The following ABCC4 variants were observed in gnomAD, a reference collection of about 807,000 sequenced individuals.
ABCC4 encodes the protein ATP-binding cassette sub-family C member 4.
Under a neutral mutation model 168.5 loss-of-function variants are expected in ABCC4, and 102 were observed. The observed-to-expected ratio is 0.61, with a 90% confidence interval of 0.52 to 0.71. ABCC4 has a LOEUF of 0.71. Ranked by LOEUF, ABCC4 falls within the 30% of genes least tolerant of loss-of-function variation. The pLI, the probability that ABCC4 is intolerant of heterozygous loss-of-function variation, is 0.00. For synonymous variants in ABCC4, 617 were observed against 590.7 expected, an observed-to-expected ratio of 1.04 and a Z score of -0.65; for missense variants, 1,402 against 1,605.8, an observed-to-expected ratio of 0.87 and a Z score of 2.17.
chr13:95,168,133 A>G (rs1326852577), intron 14 of ABCC4, among the ~76,000 whole-genome samples: 1 of 152,030 alleles, frequency 6.6e-6, no homozygotes, highest in Non-Finnish European at 1.5e-5. Flanking sequence ...TGACCTCCCA[A>G]ATTGCTGGGA....
At chr13:95,277,104 G>C (rs75574575) in intron 1 of ABCC4, among the ~76,000 whole-genome samples, 1 of 152,054 alleles carries the variant, frequency 6.6e-6, no homozygotes, top group South Asian at 2.1e-4. Flanking sequence ...TCAACAACAG[G>C]ACTATAGGGA....
intron 20 of ABCC4, among the ~76,000 whole-genome samples, chr13:95,088,876 C>T (rs1378366169): frequency 6.6e-6 from 1 of 150,870 alleles, no homozygotes; most frequent in Non-Finnish European, 1.5e-5. Flanking sequence ...AAATAGAAAA[C>T]TAATTTGAAG....
At chr13:95,265,660 G>A (rs1405553612) in intron 1 of ABCC4, among the ~76,000 whole-genome samples, 1 of 152,052 alleles carries the variant, frequency 6.6e-6, no homozygotes, top group Non-Finnish European at 1.5e-5. Flanking sequence ...CACGCTAAGA[G>A]GAGAGCATGC....
At chr13:95,066,317 G>A (rs1272401700) in intron 25 of ABCC4, among the ~76,000 whole-genome samples, 6 of 152,086 alleles carry the variant, frequency 3.9e-5, no homozygotes, top group Admixed American at 6.5e-5. Flanking sequence ...AATGGCTGTC[G>A]TAACATCTTT....
chr13:95,271,602 T>G (rs909498005), intron 1 of ABCC4, among the ~76,000 whole-genome samples: 20 of 152,232 alleles, frequency 1.3e-4, no homozygotes, highest in African/African-American at 3.6e-4. Flanking sequence ...GTCACAATGT[T>G]TGTCCAAAAA....
rs61438342 is a variant in ABCC4, at chr13:95,110,308, CAAA to C, written c.2535+5611_2535+5613del. On this transcript the variant is annotated intron_variant, in intron 20 of 30. Coordinates refer to ENST00000645237, the MANE Select transcript of ABCC4 (RefSeq NM_005845.5). ...TGGGTGATAGAGCAAGACTCTGTCTCAAAAAAAAAAAAAAAAAATGAGATATAT... is the reference window on the plus strand; with the variant it reads ...TGGGTGATAGAGCAAGACTCTGTCTCAAAAAAAAAAAAAAATGAGATATAT... Among the ~76,000 whole-genome samples, 297 of 104,586 alleles carry C rather than the reference CAAA, an allele frequency of 2.8e-3. 2 individuals are homozygous for C. The highest frequency in any genetic ancestry group is 7.6e-3 in the African/African-American group (206 of 26,942). The allele number at this position is 104,586 out of a possible 152,430, so 68.6% of individuals were successfully genotyped here. A position where few individuals can be genotyped will look rare whatever the true frequency, so the allele number is the denominator to read the frequency against.
intron 1 of ABCC4, among the ~76,000 whole-genome samples, chr13:95,255,443 C>A (rs992299520): frequency 6.6e-6 from 1 of 152,146 alleles, no homozygotes; most frequent in Non-Finnish European, 1.5e-5. Flanking sequence ...TCACCAGACA[C>A]TAAAGTTCAA....
At chr13:95,203,771 G>A (rs938472110) in intron 8 of ABCC4, among the ~76,000 whole-genome samples, 11 of 151,992 alleles carry the variant, frequency 7.2e-5, no homozygotes, top group Admixed American at 3.3e-4. Flanking sequence ...CAGAGACTCC[G>A]ATCCAGTCCA....
At position 95,021,288 on chromosome 13, in the gene ABCC4, C is replaced by T. The variant is rs1465446443; in HGVS notation, c.*287G>A. The T allele has an allele frequency of 7.2e-6, 2 of 279,302 alleles. No individual in the cohort carries two copies. The highest frequency in any genetic ancestry group is 1.3e-5 in the Non-Finnish European group (2 of 151,058). 17.3% of individuals were successfully genotyped at this position (279,302 alleles called of 1,614,324 possible). A position where few individuals can be genotyped will look rare whatever the true frequency, so the allele number is the denominator to read the frequency against. On this transcript the variant is annotated 3_prime_UTR_variant, in exon 31 of 31. Transcript: ENST00000645237. Reference sequence around the variant, plus strand: ...TTTGTCCTACTCCTTTAAAAATGAGCTTTGACTCTGTAGTCTCTTAAGGCA... The same window carrying T: ...TTTGTCCTACTCCTTTAAAAATGAGTTTTGACTCTGTAGTCTCTTAAGGCA...
At chr13:95,185,242 C>T (rs1367259953) in intron 11 of ABCC4, among the ~76,000 whole-genome samples, 2 of 151,982 alleles carry the variant, frequency 1.3e-5, no homozygotes, top group African/African-American at 2.4e-5. Context: ...TATGTGTGAG[C>T]GTGTGAGACA....
At chr13:95,224,571 T>C (rs985220924) in intron 4 of ABCC4, among the ~76,000 whole-genome samples, 2 of 152,056 alleles carry the variant, frequency 1.3e-5, no homozygotes, top group African/African-American at 2.4e-5. Context: ...ACCCCATCTC[T>C]ACCAAAAATA....
intron 23 of ABCC4, among the ~76,000 whole-genome samples, chr13:95,073,800 G>GT (rs1433457581): frequency 1.3e-5 from 2 of 152,156 alleles, no homozygotes; most frequent in African/African-American, 4.8e-5. Flanking sequence ...TGGTACCCAT[G>GT]TGGCATTGAA....
chr13:95,273,955 C>T (rs908630099), intron 1 of ABCC4, among the ~76,000 whole-genome samples: 2 of 151,994 alleles, frequency 1.3e-5, no homozygotes, highest in African/African-American at 2.4e-5. Flanking sequence ...AGTTTGCCTG[C>T]ACAAGCTCTC....
chr13:95,127,171 C>T (rs1481840218), intron 19 of ABCC4, among the ~76,000 whole-genome samples: 2 of 152,142 alleles, frequency 1.3e-5, no homozygotes, highest in African/African-American at 4.8e-5. Context: ...TTTCTAAACG[C>T]AGCAGCCAGC....
intron 27 of ABCC4, among the ~76,000 whole-genome samples, chr13:95,049,336 A>T (rs1461891359): frequency 3.3e-5 from 5 of 151,058 alleles, no homozygotes; most frequent in African/African-American, 9.8e-5. Flanking sequence ...TCTGTCTAAA[A>T]AAATAAATAA....
At chr13:95,120,192 TC>T (rs146156447) in intron 19 of ABCC4, among the ~76,000 whole-genome samples, 2,491 of 120,656 alleles carry the variant, frequency 0.021, 68 homozygotes, top group African/African-American at 0.08. Flanking sequence ...TTTAGTGAAC[TC>T]TTCAATTTTG....
intron 27 of ABCC4, among the ~76,000 whole-genome samples, chr13:95,047,633 C>T (rs1184633031): frequency 6.6e-6 from 1 of 151,944 alleles, no homozygotes; most frequent in Non-Finnish European, 1.5e-5. Context: ...GTGCATACCA[C>T]CACACCTGGC....
intron 19 of ABCC4, among the ~76,000 whole-genome samples, chr13:95,143,932 A>T (rs974829475): frequency 6.6e-6 from 1 of 152,224 alleles, no homozygotes; most frequent in South Asian, 2.1e-4. Flanking sequence ...CTGAAAATTG[A>T]TAAAAGCAAG....
intron 1 of ABCC4, among the ~76,000 whole-genome samples, chr13:95,268,854 C>T (rs1174733928): frequency 6.6e-6 from 1 of 151,908 alleles, no homozygotes; most frequent in Non-Finnish European, 1.5e-5. Context: ...GGCGCGGGTC[C>T]TGGCGCGGGT....
Sources: allele counts gnomAD v4.1 joint callset (sites outside exome capture counted in the v4.1 genomes callset), GRCh38; gene constraint gnomAD v4.1.1; transcripts MANE v1.5; gene names NCBI Gene and HGNC (gene_info 2026-07-23, HGNC 2026-07-21).